The following ARHGAP15 variants were observed in gnomAD, a reference collection of about 807,000 sequenced individuals.
ARHGAP15 encodes the protein Rho GTPase activating protein 15, also known as rho GTPase-activating protein 15.
ARHGAP15 carries 51 observed loss-of-function variants against 63.7 expected under a neutral mutation model. The observed-to-expected ratio is 0.80, with a 90% CI of 0.64 to 1.01. The LOEUF (loss-of-function observed/expected upper bound fraction) is 1.01, where lower values mean the gene tolerates loss of function less well. ARHGAP15 is among the 50% of genes least tolerant of loss of function. The pLI, the probability that ARHGAP15 is intolerant of heterozygous loss-of-function variation, is 0.00. For synonymous variants in ARHGAP15, 191 were observed against 193.8 expected (o/e 0.99, Z 0.12); for missense variants, 560 against 564.6 (o/e 0.99, Z 0.08).
intron 6 of ARHGAP15, among the ~76,000 whole-genome samples, chr2:143,267,836 C>T (rs1681072503): frequency 6.6e-6 from 1 of 151,944 alleles, no homozygotes; most frequent in Admixed American, 6.6e-5. Flanking sequence ...TTTTGGTATA[C>T]AAATATTTAG....
At chr2:143,433,611 G>T (rs903258617) in intron 6 of ARHGAP15, among the ~76,000 whole-genome samples, 2 of 152,044 alleles carry the variant, frequency 1.3e-5, no homozygotes, top group African/African-American at 4.8e-5. Context: ...AAATGCAAAC[G>T]CACTGCTAAA....
At chr2:143,707,097 C>G (rs534988853) in intron 13 of ARHGAP15, among the ~76,000 whole-genome samples, 5 of 152,042 alleles carry the variant, frequency 3.3e-5, no homozygotes, top group Non-Finnish European at 5.9e-5. Flanking sequence ...TTTTATGAAC[C>G]AGAAAATTGC....
intron 1 of ARHGAP15, among the ~76,000 whole-genome samples, chr2:143,150,967 A>G (rs1167135097): frequency 6.6e-6 from 1 of 152,088 alleles, no homozygotes; most frequent in Non-Finnish European, 1.5e-5. Flanking sequence ...TGATTTTACA[A>G]TCTACCAAAT....
chr2:143,676,790 A>G (rs1682846853), intron 12 of ARHGAP15, among the ~76,000 whole-genome samples: 1 of 152,230 alleles, frequency 6.6e-6, no homozygotes, highest in South Asian at 2.1e-4. Flanking sequence ...CCAAAATGTG[A>G]CACAGAGACA....
chr2:143,411,392 T>G (rs1688440081), intron 6 of ARHGAP15, among the ~76,000 whole-genome samples: 1 of 152,058 alleles, frequency 6.6e-6, no homozygotes, highest in Non-Finnish European at 1.5e-5. Flanking sequence ...ACTTGCTGTT[T>G]GGAGATATGC....
At chr2:143,328,685 T>A (rs1684368582) in intron 6 of ARHGAP15, among the ~76,000 whole-genome samples, 1 of 152,166 alleles carries the variant, frequency 6.6e-6, no homozygotes, top group Non-Finnish European at 1.5e-5. Context: ...TGTAGCTATA[T>A]AACAAACCTG....
At chr2:143,484,644 G>A (rs530764394) in intron 8 of ARHGAP15, among the ~76,000 whole-genome samples, 1 of 152,256 alleles carries the variant, frequency 6.6e-6, no homozygotes, top group South Asian at 2.1e-4. Flanking sequence ...TGGTCAATTT[G>A]TGTTTATTTT....
chr2:143,250,479 C>G (rs1451234834), intron 5 of ARHGAP15, 32 bp from the exon 6 acceptor site: 3 of 1,543,048 alleles, frequency 1.9e-6, no homozygotes, highest in Non-Finnish European at 2.7e-6. Flanking sequence ...GTGTTGCATC[C>G]TCTTATTCTT....
intron 2 of ARHGAP15, among the ~76,000 whole-genome samples, chr2:143,201,528 G>T (rs77553043): frequency 6.6e-6 from 1 of 151,930 alleles, no homozygotes; most frequent in Non-Finnish European, 1.5e-5. Context: ...ATTTGGGGGC[G>T]CTGTAAAACA....
intron 5 of ARHGAP15, chr2:143,236,024 A>G (rs1292134377): frequency 2.0e-6 from 3 of 1,532,918 alleles, no homozygotes; most frequent in Non-Finnish European, 2.6e-6. Flanking sequence ...GTTAAACAAA[A>G]CCCATTTGAT....
intron 4 of ARHGAP15, among the ~76,000 whole-genome samples, chr2:143,221,459 A>G (rs917089598): frequency 2.0e-5 from 3 of 152,184 alleles, no homozygotes; most frequent in South Asian, 2.1e-4. Context: ...TACATTCAGC[A>G]TTCACTTTAA....
chr2:143,615,761 C>T (rs1698428041), intron 11 of ARHGAP15, among the ~76,000 whole-genome samples: 1 of 152,140 alleles, frequency 6.6e-6, no homozygotes, highest in Non-Finnish European at 1.5e-5. Context: ...ATGAAGCAAG[C>T]TTTCAAAAAT....
intron 13 of ARHGAP15, among the ~76,000 whole-genome samples, chr2:143,720,351 G>T (rs1005656908): frequency 1.3e-5 from 2 of 152,102 alleles, no homozygotes; most frequent in African/African-American, 2.4e-5. Flanking sequence ...GGACGCCGAG[G>T]TTAACAATCC....
intron 10 of ARHGAP15, among the ~76,000 whole-genome samples, chr2:143,541,819 C>G (rs1032896913): frequency 9.9e-5 from 15 of 152,122 alleles, no homozygotes; most frequent in African/African-American, 3.4e-4. Flanking sequence ...GGCTACTCAG[C>G]AGTCAGGGAC....
At chr2:143,754,324 C>A (rs1686492845) in intron 13 of ARHGAP15, among the ~76,000 whole-genome samples, 1 of 152,290 alleles carries the variant, frequency 6.6e-6, no homozygotes, top group South Asian at 2.1e-4. Flanking sequence ...CATTTATATT[C>A]TGCTGGAGAA....
chr2:143,235,279 C>A (rs1162911805), intron 5 of ARHGAP15, among the ~76,000 whole-genome samples: 1 of 139,632 alleles, frequency 7.2e-6, no homozygotes, highest in Non-Finnish European at 1.5e-5. Flanking sequence ...TTGAAGAAGG[C>A]GAGCTCACAT....
At chr2:143,174,867 C>T (rs757803688) in intron 2 of ARHGAP15, among the ~76,000 whole-genome samples, 2 of 151,854 alleles carry the variant, frequency 1.3e-5, no homozygotes, top group Non-Finnish European at 2.9e-5. Context: ...CAATGTATCC[C>T]GAAAAAATAT....
chr2:143,495,320 T>C (rs1692768208), intron 9 of ARHGAP15, among the ~76,000 whole-genome samples: 1 of 152,226 alleles, frequency 6.6e-6, no homozygotes, highest in Non-Finnish European at 1.5e-5. Flanking sequence ...CGAGAAATCA[T>C]TGAAGGCAAG....
At chr2:143,579,239 G>A (rs1696795926) in intron 11 of ARHGAP15, among the ~76,000 whole-genome samples, 1 of 152,160 alleles carries the variant, frequency 6.6e-6, no homozygotes, top group African/African-American at 2.4e-5. Context: ...AAGCATCTAA[G>A]TACATCGACT....
Sources: allele counts gnomAD v4.1 joint callset (sites outside exome capture counted in the v4.1 genomes callset), GRCh38; gene constraint gnomAD v4.1.1; transcripts MANE v1.5; gene names NCBI Gene and HGNC (gene_info 2026-07-23, HGNC 2026-07-21).